Variants in CACNA1D observed in about 807,000 individuals in gnomAD.
The protein encoded by CACNA1D is voltage-dependent L-type calcium channel subunit alpha-1D.
A neutral mutation model predicts 257.1 loss-of-function variants in CACNA1D; 55 were observed. That is an observed-to-expected ratio of 0.21 (90% CI 0.17 to 0.27). The LOEUF is 0.27. CACNA1D is among the 10% of genes least tolerant of loss of function. CACNA1D has a pLI of 1.00. For missense variants in CACNA1D, 1,876 were observed against 2,784.0 expected, an observed-to-expected ratio of 0.67 and a Z score of 7.34; for synonymous variants, 980 against 1,014.9, an observed-to-expected ratio of 0.97 and a Z score of 0.65.
chr3:53,555,652 C>T (rs2092631200), intron 3 of CACNA1D, among the ~76,000 whole-genome samples: 2 of 151,876 alleles, frequency 1.3e-5, no homozygotes, highest in Admixed American at 6.6e-5. Flanking sequence ...TCTCACCACC[C>T]CCTCCTCCCA....
At chr3:53,772,498 T>C (rs1286530620) in intron 32 of CACNA1D, among the ~76,000 whole-genome samples, 1 of 152,230 alleles carries the variant, frequency 6.6e-6, no homozygotes, top group African/African-American at 2.4e-5. Context: ...CAATTATAAT[T>C]TCACCCCAAA....
intron 3 of CACNA1D, among the ~76,000 whole-genome samples, chr3:53,533,708 G>T (rs1391153083): frequency 6.6e-6 from 1 of 152,210 alleles, no homozygotes; most frequent in African/African-American, 2.4e-5. Flanking sequence ...TGGGCGCTGA[G>T]CACGTGCAGC....
rs532117153 is a variant in CACNA1D, at chr3:53,666,038, T to A, written c.919+226T>A. Among the ~76,000 whole-genome samples the A allele has an allele frequency of 2.0e-5, 3 of 152,170 alleles. No individual in the cohort carries two copies. The East Asian group carries it at 5.8e-4, about 29-fold the overall frequency. Reference sequence around the variant, plus strand: ...GTGTAATGTGTCCTGGCAAACAAGATAAGAGACCTCCAAAGTAAAAACATG... The same window carrying A: ...GTGTAATGTGTCCTGGCAAACAAGAAAAGAGACCTCCAAAGTAAAAACATG... On this transcript the variant is annotated intron_variant, in intron 6 of 47. Coordinates refer to ENST00000350061, the MANE Select transcript of CACNA1D (RefSeq NM_001128840.3).
chr3:53,769,194 G>A (rs139328573), intron 30 of CACNA1D, among the ~76,000 whole-genome samples: 1,779 of 152,320 alleles, frequency 0.012, 17 homozygotes, highest in Middle Eastern at 0.017. Flanking sequence ...GGGTTGGGGG[G>A]CAGGTAAGCA....
intron 3 of CACNA1D, among the ~76,000 whole-genome samples, chr3:53,624,967 G>C (rs1406410174): frequency 6.6e-6 from 1 of 152,188 alleles, no homozygotes; most frequent in Non-Finnish European, 1.5e-5. Context: ...TTTGATAAAG[G>C]GTTGGAGAGG....
chr3:53,499,479 C>T (rs1020559751), intron 2 of CACNA1D, among the ~76,000 whole-genome samples: 1 of 152,054 alleles, frequency 6.6e-6, no homozygotes, highest in African/African-American at 2.4e-5. Flanking sequence ...GTCCTGCCCC[C>T]TGGAGGAGTG....
In CACNA1D at chr3:53,673,007, A is replaced by G; in HGVS notation, c.1117-16A>G. ...CTTATTAACCCACTCCTATGAGACCATCTTATTTCTTGCAGATGAATGATG... is the reference window on the plus strand; with the variant it reads ...CTTATTAACCCACTCCTATGAGACCGTCTTATTTCTTGCAGATGAATGATG... On this transcript the variant is annotated splice_polypyrimidine_tract_variant and intron_variant, in intron 7 of 47. Transcript: ENST00000350061. The surrounding 1 kb of genome is among the most constrained non-coding windows in gnomAD (Gnocchi z 4.1). 6.6e-7 allele frequency: 1 copy of G among 1,523,600 alleles called. No individual in the cohort carries two copies. Among genetic ancestry groups the G allele is most frequent in the Non-Finnish European group, 8.9e-7 (1 of 1,121,328 alleles). 94.4% of individuals were successfully genotyped at this position (1,523,600 alleles called of 1,614,324 possible).
At chr3:53,588,862 A>C (rs1190361497) in intron 3 of CACNA1D, among the ~76,000 whole-genome samples, 1 of 152,190 alleles carries the variant, frequency 6.6e-6, no homozygotes, top group Admixed American at 6.5e-5. Flanking sequence ...TTGTGGAAAA[A>C]AAAAGTAACT....
At chr3:53,806,325 A>G (rs1374339136) in intron 45 of CACNA1D, among the ~76,000 whole-genome samples, 4 of 150,656 alleles carry the variant, frequency 2.7e-5, no homozygotes, top group Admixed American at 2.0e-4. Context: ...CAGGTTCTGG[A>G]CTTGTTGGTC....
chr3:53,616,564 C>T (rs933741284), intron 3 of CACNA1D, among the ~76,000 whole-genome samples: 1 of 152,186 alleles, frequency 6.6e-6, no homozygotes, highest in Non-Finnish European at 1.5e-5. Flanking sequence ...TTCTTCCTAC[C>T]CACCCCCTGA....
chr3:53,516,260 T>C (rs561516159), intron 3 of CACNA1D, among the ~76,000 whole-genome samples: 11 of 152,322 alleles, frequency 7.2e-5, no homozygotes, highest in African/African-American at 2.4e-4. Flanking sequence ...GGGAATCTTT[T>C]CCTATACCCC....
intron 7 of CACNA1D, among the ~76,000 whole-genome samples, chr3:53,666,978 A>G (rs561359495): frequency 6.6e-6 from 1 of 152,290 alleles, no homozygotes; most frequent in Non-Finnish European, 1.5e-5. Context: ...AAGAAAGGGA[A>G]TGTAAATCGG....
intron 19 of CACNA1D, among the ~76,000 whole-genome samples, chr3:53,734,158 G>C (rs947779254): frequency 1.3e-5 from 2 of 151,066 alleles, no homozygotes; most frequent in South Asian, 2.1e-4. Flanking sequence ...GGTCCTCAGG[G>C]GGGTACGCCC....
chr3:53,784,837 GC>G (rs1190611460), intron 39 of CACNA1D, among the ~76,000 whole-genome samples: 1 of 152,210 alleles, frequency 6.6e-6, no homozygotes, highest in Admixed American at 6.5e-5. Flanking sequence ...CTCTGAAGAA[GC>G]CCAGCAGCCA....
chr3:53,547,449 G>A (rs1200030606), intron 3 of CACNA1D, among the ~76,000 whole-genome samples: 1 of 152,190 alleles, frequency 6.6e-6, no homozygotes, highest in Non-Finnish European at 1.5e-5. Flanking sequence ...ATGCACAAGG[G>A]CCCAGAGTGG....
chr3:53,772,905 T>C lies in CACNA1D; in HGVS notation c.4110+7T>C, dbSNP rs376011748. On this transcript the variant is annotated splice_region_variant and intron_variant, in intron 33 of 47. Coordinates refer to ENST00000350061, the MANE Select transcript of CACNA1D (RefSeq NM_001128840.3). ...TGCGGTCATTGGCATGCAGGTAAGC[T>C]CCAGCCATCTCGCCCTCAGGGGCCC... 1.2e-6 allele frequency: 2 copies of C among 1,612,834 alleles called. No homozygotes were observed. The highest frequency in any genetic ancestry group is 2.7e-5 in the African/African-American group (2 of 74,890).
chr3:53,497,099 C>T, intron 1 of CACNA1D, 53 bp from the exon 2 acceptor site: 3 of 1,405,642 alleles, frequency 2.1e-6, no homozygotes, highest in South Asian at 2.4e-5. Flanking sequence ...TTTCTCCTAC[C>T]CACTGGATCC....
chr3:53,688,407 G>A (rs2094492068), intron 8 of CACNA1D, among the ~76,000 whole-genome samples: 2 of 152,174 alleles, frequency 1.3e-5, no homozygotes, highest in Admixed American at 6.5e-5. Context: ...TATACTTCAC[G>A]TTTCCAAATC....
At chr3:53,705,601 G>A (rs2108608037) in intron 9 of CACNA1D, among the ~76,000 whole-genome samples, 1 of 152,298 alleles carries the variant, frequency 6.6e-6, no homozygotes, top group South Asian at 2.1e-4. Flanking sequence ...GCCAGGTGCT[G>A]GGGTTTCCTG....
Sources: allele counts gnomAD v4.1 joint callset (sites outside exome capture counted in the v4.1 genomes callset), GRCh38; gene constraint gnomAD v4.1.1; non-coding constraint Gnocchi (gnomAD v3.1); transcripts MANE v1.5; gene names NCBI Gene and HGNC (gene_info 2026-07-23, HGNC 2026-07-21).